Variants in SLC22A9 observed in about 807,000 individuals in gnomAD.
SLC22A9 encodes the protein organic anion transporter 7.
A neutral mutation model predicts 50.1 loss-of-function variants in SLC22A9; 64 were observed. The ratio of observed to expected loss-of-function variants is 1.28; its 90% CI spans 1.04 to 1.57. The LOEUF (loss-of-function observed/expected upper bound fraction) is 1.57. Ranked by LOEUF, SLC22A9 falls within the 40% of genes most tolerant of loss-of-function variation. The pLI is 0.00. For missense variants in SLC22A9, 757 were observed against 676.1 expected, an observed-to-expected ratio of 1.12 and a Z score of -1.33; for synonymous variants, 261 against 242.5, an observed-to-expected ratio of 1.08 and a Z score of -0.71.
At chr11:63,379,903 T>C (rs1226491921) in intron 5 of SLC22A9, among the ~76,000 whole-genome samples, 1 of 152,268 alleles carries the variant, frequency 6.6e-6, no homozygotes. Flanking sequence ...GACTAATTTT[T>C]GTATTTTTAG....
At chr11:63,376,325 T>C (rs1591013952) in intron 5 of SLC22A9, among the ~76,000 whole-genome samples, 1 of 152,268 alleles carries the variant, frequency 6.6e-6, no homozygotes, top group South Asian at 2.1e-4. Context: ...ACTTACTTAC[T>C]ATAAGTTCCT....
chr11:63,389,127 A>G (rs1349541024), intron 6 of SLC22A9, among the ~76,000 whole-genome samples: 1 of 151,726 alleles, frequency 6.6e-6, no homozygotes, highest in African/African-American at 2.4e-5. Context: ...TTTATTGATC[A>G]TCTGTATTGT....
At chr11:63,396,726 ATTTC>A (rs1441685800) in intron 6 of SLC22A9, among the ~76,000 whole-genome samples, 2 of 151,806 alleles carry the variant, frequency 1.3e-5, no homozygotes, top group African/African-American at 2.4e-5. Context: ...AATTATTTCA[ATTTC>A]TTTGTCAAAT....
At chr11:63,400,195 C>T (rs588631) in intron 6 of SLC22A9, among the ~76,000 whole-genome samples, 3,930 of 151,378 alleles carry the variant, frequency 0.026, 165 homozygotes, top group African/African-American at 0.09. Flanking sequence ...AAGAAATAAA[C>T]GAAATTGATA....
chr11:63,396,834 T>C (rs2014867101), intron 6 of SLC22A9, among the ~76,000 whole-genome samples: 1 of 152,194 alleles, frequency 6.6e-6, no homozygotes, highest in Admixed American at 6.6e-5. Context: ...GTGTGAAAGG[T>C]CACATATCTC....
At position 63,382,280 on chromosome 11, in the gene SLC22A9, A is replaced by G; in HGVS notation, c.1073+3A>G. ...ATCTCCCTCCTGTCCTTTACGAGGT[A>G]AGCTTCATGCAGTGTTTGAGGGTAA... On this transcript the variant is annotated splice_donor_region_variant and intron_variant, in intron 6 of 9. Transcript: ENST00000279178. The G allele has an allele frequency of 6.3e-7, 1 of 1,598,784 alleles. No homozygotes were observed. The highest frequency in any genetic ancestry group is 1.4e-5 in the African/African-American group (1 of 73,946).
chr11:63,408,983 G>C lies in SLC22A9; in HGVS notation c.1601+104G>C, dbSNP rs183051075. On this transcript the variant is annotated intron_variant, in intron 9 of 9. Coordinates refer to ENST00000279178, the MANE Select transcript of SLC22A9 (RefSeq NM_080866.3). The stretch of plus-strand genomic sequence containing the variant: ...GGCCACTGTCCTCTCAAAAGGCTTA[G>C]ACTTAGGATTTTCCCATGTAATCAG... 6.3e-6 allele frequency: 8 copies of C among 1,266,544 alleles called. No homozygotes were observed. The African/African-American group carries it at 8.9e-5, about 14-fold the overall frequency. The allele number at this position is 1,266,544 out of a possible 1,614,324, so 78.5% of individuals were successfully genotyped here.
intron 6 of SLC22A9, among the ~76,000 whole-genome samples, chr11:63,396,302 C>A (rs2014854804): frequency 6.6e-6 from 1 of 152,200 alleles, no homozygotes; most frequent in Non-Finnish European, 1.5e-5. Flanking sequence ...CCTCTCTCCA[C>A]AGCCCCCCAC....
At chr11:63,380,748 T>C (rs1415358553) in intron 5 of SLC22A9, among the ~76,000 whole-genome samples, 1 of 152,104 alleles carries the variant, frequency 6.6e-6, no homozygotes, top group Non-Finnish European at 1.5e-5. Flanking sequence ...AAACTACTTA[T>C]TGGGTACTGT....
intron 6 of SLC22A9, among the ~76,000 whole-genome samples, chr11:63,400,196 G>A (rs941432562): frequency 3.3e-5 from 5 of 151,630 alleles, no homozygotes; most frequent in African/African-American, 9.7e-5. Flanking sequence ...AGAAATAAAC[G>A]AAATTGATAC....
intron 2 of SLC22A9, among the ~76,000 whole-genome samples, chr11:63,371,626 C>T (rs1231303055): frequency 2.6e-5 from 4 of 152,126 alleles, no homozygotes; most frequent in African/African-American, 7.2e-5. Context: ...TAGCTTGTGC[C>T]CAGAGAATTG....
In SLC22A9 at chr11:63,406,573, A is replaced by G; in HGVS notation, c.1150A>G (p.Thr384Ala). Residue 384 changes from threonine to alanine, a missense_variant, in exon 7 of 10, where the codon ACT becomes GCT. Transcript: ENST00000279178. Reference protein sequence around the residue: ...HLGNNVFLLQTLFGAVILLAN... With the variant: ...HLGNNVFLLQALFGAVILLAN... Reference sequence around the variant, plus strand: ...GGGGAACAATGTTTTCCTGTTGCAGACTCTCTTTGGTGCAGTCATCCTCCT... The same window carrying G: ...GGGGAACAATGTTTTCCTGTTGCAGGCTCTCTTTGGTGCAGTCATCCTCCT... The G allele has an allele frequency of 1.2e-6, 2 of 1,613,558 alleles. No homozygotes were observed. The highest frequency in any genetic ancestry group is 1.7e-6 in the Non-Finnish European group (2 of 1,179,784).
chr11:63,384,468 G>A (rs2014625390), intron 6 of SLC22A9, among the ~76,000 whole-genome samples: 1 of 152,224 alleles, frequency 6.6e-6, no homozygotes, highest in East Asian at 1.9e-4. Flanking sequence ...CAGAGGACAT[G>A]ATCGCATTTT....
chr11:63,389,396 T>C (rs2014724056), intron 6 of SLC22A9, among the ~76,000 whole-genome samples: 1 of 152,018 alleles, frequency 6.6e-6, no homozygotes, highest in African/African-American at 2.4e-5. Context: ...GTGTTCTCAT[T>C]GTTCAACTCC....
chr11:63,399,658 A>G (rs2119991893), intron 6 of SLC22A9, among the ~76,000 whole-genome samples: 1 of 152,302 alleles, frequency 6.6e-6, no homozygotes, highest in Non-Finnish European at 1.5e-5. Context: ...AAAATCAAAA[A>G]AGAAACATTG....
chr11:63,382,113 T>C (rs2014573582), intron 5 of SLC22A9, 46 bp from the exon 6 acceptor site: 1 of 1,496,144 alleles, frequency 6.7e-7, no homozygotes, highest in African/African-American at 1.4e-5. Context: ...CAGTGCCTAC[T>C]CTTTTCTGAC....
In SLC22A9 at chr11:63,373,621, T is replaced by A. The variant is rs375173685; in HGVS notation, c.507-23T>A. ...CCACTTGTTGTTATTGTTCCCATTATCTAACCTGTTTCTGTTTCTCAGGTT... is the reference window on the plus strand; with the variant it reads ...CCACTTGTTGTTATTGTTCCCATTAACTAACCTGTTTCTGTTTCTCAGGTT... On this transcript the variant is annotated intron_variant, in intron 2 of 9. Coordinates refer to ENST00000279178, the MANE Select transcript of SLC22A9 (RefSeq NM_080866.3). 3.3e-6 allele frequency: 5 copies of A among 1,514,574 alleles called. No individual in the cohort carries two copies. The African/African-American group carries it at 4.2e-5, about 13-fold the overall frequency. 93.8% of individuals were successfully genotyped at this position (1,514,574 alleles called of 1,614,324 possible). A position where few individuals can be genotyped will look rare whatever the true frequency, so the allele number is the denominator to read the frequency against.
chr11:63,398,619 T>C lies in SLC22A9; in HGVS notation c.1074-7878T>C, dbSNP rs192825245. On this transcript the variant is annotated intron_variant, in intron 6 of 9. Coordinates refer to ENST00000279178, the MANE Select transcript of SLC22A9 (RefSeq NM_080866.3). ...GTGACAGGGCAGCACTGATTCCCAA[T>C]GCAAAGTCCCACAATCACTGTGCTC... Among the ~76,000 whole-genome samples, 29 of 152,190 alleles carry C rather than the reference T, an allele frequency of 1.9e-4. No homozygotes were observed. In the East Asian group the frequency reaches 5.4e-3, roughly 29 times the overall value.
Position 63,371,216 on chromosome 11 carries a change from C to G in SLC22A9, c.484C>G (p.Leu162Val), listed in dbSNP as rs751837625. The change falls in exon 2 of 10, where the codon CTA becomes GTA. Residue 162 changes from leucine (L) to valine (V), a missense_variant. Coordinates refer to ENST00000279178, the MANE Select transcript of SLC22A9 (RefSeq NM_080866.3). ...FMAGMMVGGI[L>V]GGHLSDRFGR... ...GGCTGGAATGATGGTGGGAGGCATCCTAGGCGGTCATTTATCAGACAGGTG... is the reference window on the plus strand; with the variant it reads ...GGCTGGAATGATGGTGGGAGGCATCGTAGGCGGTCATTTATCAGACAGGTG... The G allele has an allele frequency of 1.2e-6, 2 of 1,612,800 alleles. No homozygotes were observed. Among genetic ancestry groups the G allele is most frequent in the Non-Finnish European group, 8.5e-7 (1 of 1,179,210 alleles).
Sources: gnomAD v4.1 joint callset for allele counts (sites outside exome capture counted in the v4.1 genomes callset) on GRCh38, gnomAD v4.1.1 for gene constraint, MANE v1.5 for transcripts, NCBI Gene and HGNC (gene_info 2026-07-23, HGNC 2026-07-21) for gene names.